The following SLC24A2 variants were observed in gnomAD, a reference collection of about 807,000 sequenced individuals.
The protein encoded by SLC24A2 is solute carrier family 24 member 2, also known as sodium/potassium/calcium exchanger 2.
A neutral mutation model predicts 62.0 loss-of-function variants in SLC24A2; 36 were observed. That is an observed-to-expected ratio of 0.58 (90% CI 0.44 to 0.77). SLC24A2 has a LOEUF of 0.77. Ranked by LOEUF, SLC24A2 falls within the 30% of genes least tolerant of loss-of-function variation. The probability of loss-of-function intolerance (pLI) is 0.00; values close to 1 mark genes in which losing one functional copy is unlikely to be tolerated. For missense variants in SLC24A2, 846 were observed against 817.9 expected (o/e 1.03, Z -0.42); for synonymous variants, 358 against 294.0 (o/e 1.22, Z -2.23).
At chr9:20,093,108 G>A in the SLC24A2 span, among the ~76,000 whole-genome samples, 11 of 151,232 alleles carry the variant, frequency 7.3e-5, no homozygotes, top group East Asian at 1.9e-4. Context: ...TTTCGATCTC[G>A]TTGCCCAGGC....
chr9:20,255,261 A>T, the SLC24A2 span, among the ~76,000 whole-genome samples: 1 of 152,198 alleles, frequency 6.6e-6, no homozygotes, highest in Non-Finnish European at 1.5e-5. Context: ...ATGACTGCCT[A>T]GAGTACTGCT....
At chr9:19,614,143 G>C (rs1246850323) in intron 4 of SLC24A2, among the ~76,000 whole-genome samples, 1 of 152,130 alleles carries the variant, frequency 6.6e-6, no homozygotes, top group Non-Finnish European at 1.5e-5. Flanking sequence ...CAAATATAAA[G>C]GCTTGTTTAG....
At chr9:19,524,736 C>G (rs559542386) in intron 9 of SLC24A2, among the ~76,000 whole-genome samples, 1 of 152,190 alleles carries the variant, frequency 6.6e-6, no homozygotes, top group South Asian at 2.1e-4. Context: ...GGCTTTCATT[C>G]GTCTTGGCTT....
chr9:19,938,148 C>T, the SLC24A2 span, among the ~76,000 whole-genome samples: 3 of 152,022 alleles, frequency 2.0e-5, no homozygotes, highest in Non-Finnish European at 4.4e-5. Context: ...TCTGTCTTCC[C>T]ATACCATTAG....
At chr9:19,997,132 C>T in the SLC24A2 span, among the ~76,000 whole-genome samples, 1 of 152,080 alleles carries the variant, frequency 6.6e-6, no homozygotes, top group Admixed American at 6.6e-5. Flanking sequence ...GAGCATTTTC[C>T]TCAAGACAAG....
chr9:20,140,661 A>G, the SLC24A2 span, among the ~76,000 whole-genome samples: 1 of 152,068 alleles, frequency 6.6e-6, no homozygotes. Context: ...CTTCCATATT[A>G]GCTGCTCACT....
chr9:19,667,104 T>C (rs2048263851), intron 2 of SLC24A2, among the ~76,000 whole-genome samples: 1 of 152,154 alleles, frequency 6.6e-6, no homozygotes, highest in South Asian at 2.1e-4. Flanking sequence ...TCTGGACATT[T>C]AAAAACACAA....
chr9:19,771,661 G>C (rs969118616), intron 2 of SLC24A2, among the ~76,000 whole-genome samples: 4 of 152,158 alleles, frequency 2.6e-5, no homozygotes, highest in Non-Finnish European at 5.9e-5. Context: ...TGAGCCCCCT[G>C]GAAACCACTG....
the SLC24A2 span, among the ~76,000 whole-genome samples, chr9:20,000,101 T>C: frequency 6.6e-6 from 1 of 152,336 alleles, no homozygotes; most frequent in Non-Finnish European, 1.5e-5. Flanking sequence ...ACCACATTTC[T>C]CTGATTTACT....
intron 9 of SLC24A2, among the ~76,000 whole-genome samples, chr9:19,525,386 CTTTACTTTTTTTT>C (rs887791332): frequency 2.3e-4 from 11 of 47,200 alleles, no homozygotes; most frequent in South Asian, 7.8e-4. Context: ...TTTCCTATTT[CTTTACTTTTTTTT>C]TTTTTTTTTT....
the SLC24A2 span, among the ~76,000 whole-genome samples, chr9:19,853,088 A>C: frequency 3.2e-4 from 49 of 151,970 alleles, 1 homozygote; most frequent in Admixed American, 3.2e-3. Context: ...ATTGTGAATA[A>C]AAATTCATTA....
chr9:20,198,422 T>C, the SLC24A2 span, among the ~76,000 whole-genome samples: 6 of 152,052 alleles, frequency 3.9e-5, no homozygotes, highest in Non-Finnish European at 8.8e-5. Context: ...TTCTTTAGAG[T>C]CAGAGCCACT....
chr9:20,024,198 A>T, the SLC24A2 span, among the ~76,000 whole-genome samples: 15 of 152,368 alleles, frequency 9.8e-5, no homozygotes, highest in East Asian at 2.9e-3. Flanking sequence ...AAAGGAAAAC[A>T]AATCTAAACA....
At chr9:19,915,246 G>A in the SLC24A2 span, among the ~76,000 whole-genome samples, 1 of 152,216 alleles carries the variant, frequency 6.6e-6, no homozygotes, top group Middle Eastern at 3.4e-3. Context: ...CATATATGGT[G>A]TAGCATGTAT....
intron 8 of SLC24A2, among the ~76,000 whole-genome samples, chr9:19,533,918 C>T (rs1833827378): frequency 6.6e-6 from 1 of 152,220 alleles, no homozygotes; most frequent in Admixed American, 6.5e-5. Context: ...ATGCAGAATA[C>T]ACCCATATAT....
At chr9:19,872,676 G>C in the SLC24A2 span, among the ~76,000 whole-genome samples, 1 of 152,182 alleles carries the variant, frequency 6.6e-6, no homozygotes, top group Non-Finnish European at 1.5e-5. Context: ...GTAGGGCCTA[G>C]TACAAGTAGT....
chr9:19,862,949 A>T, the SLC24A2 span, among the ~76,000 whole-genome samples: 2 of 152,088 alleles, frequency 1.3e-5, no homozygotes, highest in Admixed American at 6.5e-5. Flanking sequence ...AGAAGGCCAC[A>T]AATCAACCAG....
At chr9:20,294,721 A>T in the SLC24A2 span, among the ~76,000 whole-genome samples, 1 of 152,172 alleles carries the variant, frequency 6.6e-6, no homozygotes, top group African/African-American at 2.4e-5. Context: ...ATTTGCTGGC[A>T]AATATGATAT....
chr9:19,532,287 G>T (rs1219042745), intron 8 of SLC24A2, among the ~76,000 whole-genome samples: 1 of 151,954 alleles, frequency 6.6e-6, no homozygotes, highest in African/African-American at 2.4e-5. Flanking sequence ...GTAGAGACAG[G>T]GTTTCTCTAT....
Sources: allele counts gnomAD v4.1 joint callset (sites outside exome capture counted in the v4.1 genomes callset), GRCh38; gene constraint gnomAD v4.1.1; transcripts MANE v1.5; gene names NCBI Gene and HGNC (gene_info 2026-07-23, HGNC 2026-07-21).